Variants in NRG3 observed in about 807,000 individuals in gnomAD.
NRG3 encodes the protein neuregulin 3, also known as pro-neuregulin-3, membrane-bound isoform.
Under a neutral mutation model 66.9 loss-of-function variants are expected in NRG3, and 31 were observed. That is an observed-to-expected ratio of 0.46 (90% confidence interval 0.35 to 0.63). NRG3 has a LOEUF of 0.63. Ranked by LOEUF, NRG3 falls within the 20% of genes least tolerant of loss-of-function variation. NRG3 has a pLI of 0.00. For synonymous variants in NRG3, 393 were observed against 359.4 expected (o/e 1.09, Z -1.06); for missense variants, 910 against 878.9 (o/e 1.04, Z -0.45).
intron 1 of NRG3, among the ~76,000 whole-genome samples, chr10:82,245,993 T>TG (rs2077225604): frequency 6.6e-6 from 1 of 150,758 alleles, no homozygotes; most frequent in Non-Finnish European, 1.5e-5. Context: ...TTTTTTTTTT[T>TG]TTTTTTTTAA....
intron 1 of NRG3, among the ~76,000 whole-genome samples, chr10:82,138,453 C>G (rs909575684): frequency 6.6e-6 from 1 of 152,272 alleles, no homozygotes; most frequent in East Asian, 1.9e-4. Context: ...TTCTTGGCTT[C>G]TAATCATCCT....
intron 2 of NRG3, among the ~76,000 whole-genome samples, chr10:82,500,363 G>A (rs1347017596): frequency 3.3e-5 from 5 of 152,148 alleles, no homozygotes; most frequent in African/African-American, 7.2e-5. Context: ...GAGCTACTTT[G>A]TTCCTCAGTG....
intron 2 of NRG3, among the ~76,000 whole-genome samples, chr10:82,567,934 A>G (rs1003453371): frequency 3.3e-5 from 5 of 151,948 alleles, no homozygotes; most frequent in African/African-American, 4.8e-5. Flanking sequence ...AGCTGAAGAC[A>G]GTAAGGACCA....
At chr10:82,779,652 A>G (rs1345735915) in intron 3 of NRG3, among the ~76,000 whole-genome samples, 1 of 151,996 alleles carries the variant, frequency 6.6e-6, no homozygotes, top group Non-Finnish European at 1.5e-5. Context: ...TATTATGATT[A>G]TTATATATTT....
At chr10:82,880,227 T>A (rs1842186724) in intron 4 of NRG3, among the ~76,000 whole-genome samples, 1 of 152,110 alleles carries the variant, frequency 6.6e-6, no homozygotes, top group East Asian at 1.9e-4. Flanking sequence ...AGTGACCTAA[T>A]CTTTGGTTTG....
intron 4 of NRG3, among the ~76,000 whole-genome samples, chr10:82,881,742 C>G (rs546947775): frequency 2.0e-5 from 3 of 152,268 alleles, no homozygotes; most frequent in African/African-American, 7.2e-5. Context: ...CTATCTATAT[C>G]AATGTCCACC....
intron 2 of NRG3, among the ~76,000 whole-genome samples, chr10:82,683,258 T>C (rs1456357147): frequency 6.6e-6 from 1 of 152,032 alleles, no homozygotes; most frequent in Admixed American, 6.6e-5. Context: ...CCCGGCCTCA[T>C]GTTTTAATTT....
intron 4 of NRG3, among the ~76,000 whole-genome samples, chr10:82,897,605 G>A (rs975742382): frequency 6.6e-6 from 1 of 152,144 alleles, no homozygotes; most frequent in African/African-American, 2.4e-5. Flanking sequence ...TGCAACCTCT[G>A]CCTCCCGGGT....
chr10:81,932,241 G>A (rs1421816611), intron 1 of NRG3, among the ~76,000 whole-genome samples: 3 of 150,764 alleles, frequency 2.0e-5, no homozygotes, highest in Non-Finnish European at 4.4e-5. Context: ...AGAGAGAGGA[G>A]AGAGAGGAGA....
At chr10:82,408,215 A>G (rs996577197) in intron 2 of NRG3, among the ~76,000 whole-genome samples, 4 of 152,218 alleles carry the variant, frequency 2.6e-5, no homozygotes, top group Admixed American at 2.0e-4. Flanking sequence ...TACAGAAAAC[A>G]GAAAGGACAG....
intron 1 of NRG3, among the ~76,000 whole-genome samples, chr10:81,917,605 T>C (rs1845824896): frequency 6.6e-6 from 1 of 152,172 alleles, no homozygotes; most frequent in Non-Finnish European, 1.5e-5. Context: ...GGCAATAATA[T>C]GCAACATAAC....
At chr10:82,866,687 A>C (rs1056183960) in intron 4 of NRG3, among the ~76,000 whole-genome samples, 20 of 152,198 alleles carry the variant, frequency 1.3e-4, no homozygotes, top group African/African-American at 4.8e-4. Flanking sequence ...TGAAAGAAGA[A>C]TGACCGTTTC....
chr10:82,982,958 A>G (rs1213509999), intron 8 of NRG3, among the ~76,000 whole-genome samples: 1 of 152,210 alleles, frequency 6.6e-6, no homozygotes, highest in Admixed American at 6.5e-5. Flanking sequence ...GGCATATGAG[A>G]AGAACCCTCA....
At chr10:81,938,838 G>C (rs1170521901) in intron 1 of NRG3, among the ~76,000 whole-genome samples, 1 of 151,926 alleles carries the variant, frequency 6.6e-6, no homozygotes, top group Non-Finnish European at 1.5e-5. Flanking sequence ...CCTTCTTCCT[G>C]ATCATAGGGG....
chr10:82,857,854 C>T (rs2063895702), intron 3 of NRG3, among the ~76,000 whole-genome samples: 1 of 152,070 alleles, frequency 6.6e-6, no homozygotes, highest in Non-Finnish European at 1.5e-5. Flanking sequence ...TAGAATCAGC[C>T]CTGCAATTAA....
At chr10:82,596,302 A>C (rs999020297) in intron 2 of NRG3, among the ~76,000 whole-genome samples, 1 of 152,284 alleles carries the variant, frequency 6.6e-6, no homozygotes, top group African/African-American at 2.4e-5. Context: ...GAAATGGAGG[A>C]CCTGTAGGCC....
At chr10:82,816,040 G>T (rs1039144474) in intron 3 of NRG3, among the ~76,000 whole-genome samples, 2 of 152,206 alleles carry the variant, frequency 1.3e-5, no homozygotes, top group Non-Finnish European at 2.9e-5. Context: ...ACATGGTGTT[G>T]CCCAGAAGCT....
intron 2 of NRG3, among the ~76,000 whole-genome samples, chr10:82,634,276 C>A (rs1320088786): frequency 1.3e-5 from 2 of 152,072 alleles, no homozygotes; most frequent in East Asian, 3.9e-4. Flanking sequence ...AAAGCAGAAT[C>A]ATGGAGAGTA....
chr10:82,835,822 G>A (rs2062745902), intron 3 of NRG3, among the ~76,000 whole-genome samples: 1 of 152,136 alleles, frequency 6.6e-6, no homozygotes, highest in Non-Finnish European at 1.5e-5. Flanking sequence ...GGGGACTGTA[G>A]AATAGGTACT....
Sources: gnomAD v4.1 joint callset for allele counts (sites outside exome capture counted in the v4.1 genomes callset) on GRCh38, gnomAD v4.1.1 for gene constraint, MANE v1.5 for transcripts, NCBI Gene and HGNC (gene_info 2026-07-23, HGNC 2026-07-21) for gene names.